The following PDLIM5 variants were observed in gnomAD, a reference collection of about 807,000 sequenced individuals.
PDLIM5 encodes PDZ and LIM domain protein 5.
In PDLIM5, 34 loss-of-function variants were observed where a neutral mutation model predicts 64.2. The observed-to-expected ratio is 0.53, with a 90% CI of 0.40 to 0.71. PDLIM5 has a LOEUF of 0.71. Among genes scored for constraint, PDLIM5 ranks in the 30% least tolerant of loss-of-function variants. The pLI is 0.00. For synonymous variants in PDLIM5, 253 were observed against 269.1 expected (o/e 0.94, Z 0.59); for missense variants, 683 against 733.6 (o/e 0.93, Z 0.80).
At chr4:94,578,769 A>G (rs1735494404) in intron 5 of PDLIM5, among the ~76,000 whole-genome samples, 1 of 152,088 alleles carries the variant, frequency 6.6e-6, no homozygotes. Context: ...CAAAATACCT[A>G]CAACAAAACT....
At chr4:94,571,654 A>T (rs2110273101) in intron 3 of PDLIM5, among the ~76,000 whole-genome samples, 1 of 152,306 alleles carries the variant, frequency 6.6e-6, no homozygotes, top group East Asian at 1.9e-4. Context: ...TTTTTTCGTA[A>T]TTATACCTCA....
At chr4:94,586,332 G>T in intron 6 of PDLIM5, 76 bp from the exon 7 acceptor site, 1 of 753,020 alleles carries the variant, frequency 1.3e-6, no homozygotes, top group South Asian at 1.6e-5. Context: ...GATATTGATT[G>T]GTGCAGGTAA....
intron 3 of PDLIM5, among the ~76,000 whole-genome samples, chr4:94,553,362 G>GTC (rs1732984130): frequency 6.6e-6 from 1 of 152,138 alleles, no homozygotes; most frequent in Non-Finnish European, 1.5e-5. Flanking sequence ...GCCTGCTTTG[G>GTC]TCTCCCAAAG....
At chr4:94,612,044 C>T (rs1243760075) in intron 7 of PDLIM5, among the ~76,000 whole-genome samples, 1 of 152,064 alleles carries the variant, frequency 6.6e-6, no homozygotes, top group Non-Finnish European at 1.5e-5. Flanking sequence ...GGTGAAACCC[C>T]ATCTCTACTA....
At chr4:94,582,849 A>G in intron 5 of PDLIM5, 1 of 704,090 alleles carries the variant, frequency 1.4e-6, no homozygotes, top group Non-Finnish European at 2.5e-6. Flanking sequence ...ATTTTCAAAA[A>G]TGTTAAGGAG....
intron 2 of PDLIM5, among the ~76,000 whole-genome samples, chr4:94,512,043 T>G (rs1248211991): frequency 2.6e-5 from 4 of 151,664 alleles, no homozygotes; most frequent in African/African-American, 9.7e-5. Context: ...TTTTTTAAGA[T>G]GTAGTCTTGT....
intron 7 of PDLIM5, among the ~76,000 whole-genome samples, chr4:94,592,907 T>A (rs1303830044): frequency 6.6e-6 from 1 of 152,164 alleles, no homozygotes; most frequent in Non-Finnish European, 1.5e-5. Context: ...CCATTGCGTC[T>A]GGCCTAGATT....
chr4:94,465,799 C>T (rs1724302530), intron 2 of PDLIM5, among the ~76,000 whole-genome samples: 1 of 152,082 alleles, frequency 6.6e-6, no homozygotes, highest in Non-Finnish European at 1.5e-5. Context: ...ATTGGTTAGG[C>T]TCAGGATTTG....
chr4:94,479,325 T>G (rs573503781), intron 2 of PDLIM5, among the ~76,000 whole-genome samples: 3 of 119,480 alleles, frequency 2.5e-5, no homozygotes, highest in African/African-American at 9.7e-5. Flanking sequence ...AGGAGAGCTT[T>G]GAGACTTTTT....
At chr4:94,615,049 A>T (rs1424120316) in intron 7 of PDLIM5, among the ~76,000 whole-genome samples, 1 of 152,078 alleles carries the variant, frequency 6.6e-6, no homozygotes, top group East Asian at 1.9e-4. Flanking sequence ...CTGAGCATAT[A>T]CTCTCTGCTG....
At chr4:94,489,504 A>C (rs1726664131) in intron 2 of PDLIM5, among the ~76,000 whole-genome samples, 1 of 152,140 alleles carries the variant, frequency 6.6e-6, no homozygotes, top group East Asian at 1.9e-4. Context: ...AATTAGGTGC[A>C]GAATATTCAG....
chr4:94,640,763 C>T (rs1366711292), intron 9 of PDLIM5, among the ~76,000 whole-genome samples: 6 of 151,870 alleles, frequency 4.0e-5, no homozygotes, highest in African/African-American at 1.5e-4. Flanking sequence ...CTCAAAGGGA[C>T]CCTGAAAGTC....
At chr4:94,594,698 CTATAT>C (rs1425644961) in intron 7 of PDLIM5, among the ~76,000 whole-genome samples, 7 of 152,080 alleles carry the variant, frequency 4.6e-5, no homozygotes, top group Admixed American at 2.6e-4. Flanking sequence ...CAATTTTCTA[CTATAT>C]TATAATAATA....
intron 2 of PDLIM5, among the ~76,000 whole-genome samples, chr4:94,504,990 T>G (rs934697185): frequency 6.6e-6 from 1 of 152,294 alleles, no homozygotes; most frequent in East Asian, 1.9e-4. Flanking sequence ...TTTATAACAG[T>G]GCCCTGAGAG....
At chr4:94,632,894 T>TCAA (rs1740272553) in intron 8 of PDLIM5, among the ~76,000 whole-genome samples, 1 of 152,198 alleles carries the variant, frequency 6.6e-6, no homozygotes, top group African/African-American at 2.4e-5. Context: ...CACCTTGATT[T>TCAA]TGACCCAGTA....
chr4:94,467,113 T>G (rs967119973), intron 2 of PDLIM5, among the ~76,000 whole-genome samples: 1 of 152,214 alleles, frequency 6.6e-6, no homozygotes, highest in Non-Finnish European at 1.5e-5. Flanking sequence ...TGTATTTTGT[T>G]AGATCATGAG....
intron 3 of PDLIM5, among the ~76,000 whole-genome samples, chr4:94,550,394 C>CAAA (rs1732708150): frequency 6.6e-6 from 1 of 152,078 alleles, no homozygotes; most frequent in Non-Finnish European, 1.5e-5. Context: ...TGAGAAATTT[C>CAAA]AAAGACTTGG....
intron 3 of PDLIM5, among the ~76,000 whole-genome samples, chr4:94,540,199 C>T (rs886616263): frequency 6.7e-5 from 10 of 150,248 alleles, no homozygotes; most frequent in African/African-American, 2.2e-4. Flanking sequence ...GGCGCGATCT[C>T]GGCTCATTGC....
chr4:94,601,091 TAGTC>T (rs1228948432), intron 7 of PDLIM5, among the ~76,000 whole-genome samples: 1 of 152,174 alleles, frequency 6.6e-6, no homozygotes, highest in South Asian at 2.1e-4. Context: ...ACAAATGTCT[TAGTC>T]AGATCAAGCT....
Sources: gnomAD v4.1 joint callset for allele counts (sites outside exome capture counted in the v4.1 genomes callset) on GRCh38, gnomAD v4.1.1 for gene constraint, MANE v1.5 for transcripts, NCBI Gene and HGNC (gene_info 2026-07-23, HGNC 2026-07-21) for gene names.